The following EMP2 variants were observed in gnomAD, a reference collection of about 807,000 sequenced individuals.
EMP2 encodes epithelial membrane protein 2.
Under a neutral mutation model 13.7 loss-of-function variants are expected in EMP2, and 19 were observed. The ratio of observed to expected loss-of-function variants is 1.38; its 90% confidence interval spans 0.97 to 2.03. EMP2 has a LOEUF of 2.03. Among genes scored for constraint, EMP2 ranks in the 30% most tolerant of loss-of-function variants. EMP2 has a pLI of 0.00. For missense variants in EMP2, 253 were observed against 220.7 expected (o/e 1.15, Z -0.93); for synonymous variants, 97 against 84.7 (o/e 1.15, Z -0.80).
intron 1 of EMP2, among the ~76,000 whole-genome samples, chr16:10,568,683 G>T (rs2050926064): frequency 6.6e-6 from 1 of 152,138 alleles, no homozygotes; most frequent in Non-Finnish European, 1.5e-5. Context: ...AGACCAAGAG[G>T]ACGGTCGGAT....
chr16:10,573,008 T>C (rs1326509074), intron 1 of EMP2, among the ~76,000 whole-genome samples: 2 of 152,154 alleles, frequency 1.3e-5, no homozygotes, highest in African/African-American at 2.4e-5. Flanking sequence ...AACCCTCACT[T>C]CACAGTGAAA....
intron 3 of EMP2, among the ~76,000 whole-genome samples, chr16:10,538,784 G>A (rs146577501): frequency 2.6e-5 from 4 of 152,108 alleles, no homozygotes; most frequent in South Asian, 4.2e-4. Flanking sequence ...GGTTACCTTC[G>A]TGGGCCTCAG....
At chr16:10,551,565 C>A (rs2050788507) in intron 1 of EMP2, among the ~76,000 whole-genome samples, 2 of 152,144 alleles carry the variant, frequency 1.3e-5, no homozygotes, top group African/African-American at 4.8e-5. Context: ...TGCTACTACG[C>A]CTGGCTAATT....
chr16:10,564,144 C>G (rs2050891363), intron 1 of EMP2, among the ~76,000 whole-genome samples: 1 of 152,170 alleles, frequency 6.6e-6, no homozygotes, highest in African/African-American at 2.4e-5. Context: ...AGTGAGGCAT[C>G]AGGCAGTTGC....
At chr16:10,554,203 TGTATTTTTA>T (rs1474459831) in intron 1 of EMP2, among the ~76,000 whole-genome samples, 1 of 152,114 alleles carries the variant, frequency 6.6e-6, no homozygotes, top group African/African-American at 2.4e-5. Flanking sequence ...AGCTAATTTT[TGTATTTTTA>T]GTAAAGACAG....
intron 3 of EMP2, among the ~76,000 whole-genome samples, chr16:10,541,327 G>C (rs1241815020): frequency 1.3e-5 from 2 of 152,170 alleles, no homozygotes; most frequent in Non-Finnish European, 2.9e-5. Flanking sequence ...TTTTTCAGTA[G>C]AGGGACAGAC....
At chr16:10,556,844 T>C (rs7186843) in intron 1 of EMP2, among the ~76,000 whole-genome samples, 7,620 of 152,282 alleles carry the variant, frequency 0.05, 635 homozygotes, top group African/African-American at 0.17. Context: ...GGCATTTTTA[T>C]ACGACTCTCT....
Position 10,547,644 on chromosome 16 carries a change from G to A in EMP2, c.-27C>T, listed in dbSNP as rs186705906. On this transcript the variant is annotated 5_prime_UTR_variant, in exon 2 of 5. Transcript: ENST00000359543. ...TTCACAGGGCAGGGCGAGTCGAGGC[G>A]AGGGGTCACGTTTAAAGCCCAGAGC... 75 of 1,612,530 alleles carry A rather than the reference G, an allele frequency of 4.7e-5. 1 individual carries two copies. Among genetic ancestry groups the A allele is most frequent in the East Asian group, 1.3e-4 (6 of 44,870 alleles).
intron 4 of EMP2, among the ~76,000 whole-genome samples, chr16:10,533,512 G>A (rs907544934): frequency 2.0e-5 from 3 of 152,112 alleles, no homozygotes; most frequent in Admixed American, 6.6e-5. Flanking sequence ...AACATAATTG[G>A]TCTAAGCCAG....
At chr16:10,579,417 A>C (rs940812589) in intron 1 of EMP2, among the ~76,000 whole-genome samples, 2 of 152,176 alleles carry the variant, frequency 1.3e-5, no homozygotes, top group African/African-American at 4.8e-5. Flanking sequence ...ACCGATGATA[A>C]GCATACAACT....
chr16:10,562,371 T>TA (rs1402663330), intron 1 of EMP2, among the ~76,000 whole-genome samples: 2 of 150,202 alleles, frequency 1.3e-5, no homozygotes, highest in African/African-American at 4.9e-5. Context: ...TCTCTCTCTC[T>TA]CTCTCTCTCT....
At chr16:10,551,597 G>T (rs2050788730) in intron 1 of EMP2, among the ~76,000 whole-genome samples, 2 of 152,154 alleles carry the variant, frequency 1.3e-5, no homozygotes, top group Admixed American at 1.3e-4. Flanking sequence ...AGTAGAGACA[G>T]AGTTTCACTG....
intron 1 of EMP2, among the ~76,000 whole-genome samples, chr16:10,570,585 A>C (rs1299907312): frequency 2.0e-5 from 3 of 152,132 alleles, no homozygotes; most frequent in Non-Finnish European, 4.4e-5. Flanking sequence ...TTTAGTAGAA[A>C]CAGGGTTTCT....
intron 1 of EMP2, among the ~76,000 whole-genome samples, chr16:10,561,378 A>G (rs1315136291): frequency 6.6e-6 from 1 of 152,220 alleles, no homozygotes; most frequent in African/African-American, 2.4e-5. Flanking sequence ...ATGGGTACAC[A>G]GGTGGCAGAC....
chr16:10,542,012 G>T (rs943514147), intron 3 of EMP2, among the ~76,000 whole-genome samples: 4 of 152,174 alleles, frequency 2.6e-5, no homozygotes, highest in African/African-American at 9.7e-5. Flanking sequence ...CTGGGACCCA[G>T]GGAGTAGGCT....
At chr16:10,569,575 C>T (rs1433599304) in intron 1 of EMP2, among the ~76,000 whole-genome samples, 5 of 152,166 alleles carry the variant, frequency 3.3e-5, no homozygotes, top group African/African-American at 1.2e-4. Flanking sequence ...TCACCTCAAC[C>T]TCCCAAAGTG....
chr16:10,533,327 C>T (rs1046359453), intron 4 of EMP2, among the ~76,000 whole-genome samples: 4 of 152,148 alleles, frequency 2.6e-5, no homozygotes, highest in African/African-American at 7.2e-5. Context: ...CGTGAGCCAC[C>T]GCGTGCAGCC....
intron 1 of EMP2, among the ~76,000 whole-genome samples, chr16:10,550,600 A>G (rs1413694238): frequency 1.3e-5 from 2 of 152,152 alleles, no homozygotes; most frequent in African/African-American, 4.8e-5. Flanking sequence ...AGTTTGTCCC[A>G]TCATTGGTGA....
chr16:10,539,658 C>A (rs915043890), intron 3 of EMP2, among the ~76,000 whole-genome samples: 76 of 152,012 alleles, frequency 5.0e-4, no homozygotes, highest in Non-Finnish European at 1.1e-3. Context: ...TTGTCAAAAC[C>A]CACCAAACTG....
Sources: gnomAD v4.1 joint callset for allele counts (sites outside exome capture counted in the v4.1 genomes callset) on GRCh38, gnomAD v4.1.1 for gene constraint, MANE v1.5 for transcripts, NCBI Gene and HGNC (gene_info 2026-07-23, HGNC 2026-07-21) for gene names.